Variants in COL11A1 observed in about 807,000 individuals in gnomAD.
The protein encoded by COL11A1 is collagen alpha-1(XI) chain.
COL11A1 carries 74 observed loss-of-function variants against 265.2 expected under a neutral mutation model. The observed-to-expected ratio is 0.28, with a 90% CI of 0.23 to 0.34. The LOEUF (loss-of-function observed/expected upper bound fraction) is 0.34. COL11A1 is among the 10% of genes least tolerant of loss of function. The pLI, the probability that COL11A1 is intolerant of heterozygous loss-of-function variation, is 1.00. For missense variants in COL11A1, 2,165 were observed against 2,263.6 expected (o/e 0.96, Z 0.88); for synonymous variants, 816 against 727.6 (o/e 1.12, Z -1.96).
chr1:102,918,745 A>C (rs1655644000), intron 49 of COL11A1, among the ~76,000 whole-genome samples: 1 of 152,074 alleles, frequency 6.6e-6, no homozygotes. Context: ...GATTGACTGA[A>C]TTATTCTCAT....
chr1:102,947,034 T>G (rs1659368319), intron 41 of COL11A1, 78 bp from the exon 42 acceptor site: 2 of 1,134,208 alleles, frequency 1.8e-6, no homozygotes, highest in Middle Eastern at 2.0e-4. Context: ...AACAATAGCT[T>G]CTTACAGTCT....
At chr1:102,963,546 CAAAG>C (rs1442544173) in intron 38 of COL11A1, among the ~76,000 whole-genome samples, 1 of 152,034 alleles carries the variant, frequency 6.6e-6, no homozygotes, top group Non-Finnish European at 1.5e-5. Flanking sequence ...TTAAGTTAAA[CAAAG>C]AGAAAATTTT....
intron 41 of COL11A1, among the ~76,000 whole-genome samples, chr1:102,953,875 T>C (rs961469202): frequency 3.9e-5 from 6 of 152,194 alleles, no homozygotes; most frequent in African/African-American, 9.7e-5. Flanking sequence ...ATTTTACACA[T>C]TGAAAGTGCT....
rs74316938 is a variant in COL11A1 at position 102,897,840 on chromosome 1, G to T, written c.4302+285C>A. On this transcript the variant is annotated intron_variant, in intron 57 of 66. Transcript: ENST00000370096. ...TGCAAACGTTTTAGGGAACTATCCA[G>T]ACTAGGAAAAACACTGGCTGGATCA... Among the ~76,000 whole-genome samples, 1,333 of 152,228 alleles carry T rather than the reference G, an allele frequency of 8.8e-3. 18 individuals carry two copies. Among genetic ancestry groups the T allele is most frequent in the African/African-American group, 0.031 (1,272 of 41,540 alleles).
chr1:102,882,015 G>A (rs1308352190), intron 64 of COL11A1, among the ~76,000 whole-genome samples: 1 of 152,092 alleles, frequency 6.6e-6, no homozygotes, highest in East Asian at 1.9e-4. Context: ...TAAAGGAAAA[G>A]GGGAAAGACA....
In COL11A1 at chr1:102,906,288, T is replaced by C. The variant is rs978540980; in HGVS notation, c.4086+5871A>G. On this transcript the variant is annotated intron_variant, in intron 54 of 66. Coordinates refer to ENST00000370096, the MANE Select transcript of COL11A1 (RefSeq NM_001854.4). The stretch of plus-strand genomic sequence containing the variant: ...AGTAGCAAGGATTTGAAACAAGTTC[T>C]GTCTGATTCTGATGCAACAGCATTC... 1.3e-5 allele frequency among the ~76,000 whole-genome samples: 2 copies of C among 152,340 alleles called. 1 individual carries two copies. The highest frequency in any genetic ancestry group is 4.1e-4 in the South Asian group (2 of 4,830).
At chr1:102,947,957 TA>T (rs1659488564) in intron 41 of COL11A1, among the ~76,000 whole-genome samples, 1 of 151,842 alleles carries the variant, frequency 6.6e-6, no homozygotes, top group Non-Finnish European at 1.5e-5. Flanking sequence ...TAATTGTTAG[TA>T]TTTTTTCTTA....
intron 32 of COL11A1, 134 bp from the exon 33 acceptor site, chr1:102,979,238 A>G (rs1662802893): frequency 1.6e-6 from 2 of 1,240,720 alleles, no homozygotes; most frequent in Admixed American, 1.9e-5. Context: ...CAGACTTGCT[A>G]TGCTGCCCAG....
chr1:102,965,460 C>T lies in COL11A1; in HGVS notation c.2916+27G>A, dbSNP rs147069719. On this transcript the variant is annotated intron_variant, in intron 38 of 66. Coordinates refer to ENST00000370096, the MANE Select transcript of COL11A1 (RefSeq NM_001854.4). Reference sequence around the variant, plus strand: ...AAATGTAAACAAAAAATAAATCTTGCTTGGGAAATAAAGCAAAGGAACATA... The same window carrying T: ...AAATGTAAACAAAAAATAAATCTTGTTTGGGAAATAAAGCAAAGGAACATA... 7.9e-4 allele frequency: 1,262 copies of T among 1,605,184 alleles called. 9 individuals carry two copies. In the African/African-American group the frequency reaches 0.015, roughly 19 times the overall value.
chr1:102,998,160 G>C, intron 25 of COL11A1, 150 bp downstream of exon 25: 1 of 687,164 alleles, frequency 1.5e-6, no homozygotes, highest in Non-Finnish European at 2.5e-6. Context: ...GAAGTGATAT[G>C]ATGAAAGGTA....
chr1:102,907,444 T>C (rs2100988012), intron 54 of COL11A1, among the ~76,000 whole-genome samples: 1 of 152,212 alleles, frequency 6.6e-6, no homozygotes, highest in South Asian at 2.1e-4. Flanking sequence ...CACTACATAA[T>C]ACAGTATCAT....
intron 30 of COL11A1, among the ~76,000 whole-genome samples, chr1:102,985,099 C>T (rs574035924): frequency 6.6e-6 from 1 of 151,534 alleles, no homozygotes; most frequent in African/African-American, 2.4e-5. Context: ...ATCCATTTAC[C>T]TAATAAGATA....
intron 44 of COL11A1, among the ~76,000 whole-genome samples, chr1:102,937,852 C>G (rs977534973): frequency 3.3e-5 from 5 of 152,092 alleles, no homozygotes; most frequent in African/African-American, 4.8e-5. Context: ...ACAAAACAGA[C>G]TAAGGCAGAT....
intron 1 of COL11A1, among the ~76,000 whole-genome samples, chr1:103,105,118 A>T (rs1674592454): frequency 6.6e-6 from 1 of 151,982 alleles, no homozygotes; most frequent in Non-Finnish European, 1.5e-5. Context: ...GCTAAGTCTA[A>T]CTCTTACTTA....
intron 62 of COL11A1, among the ~76,000 whole-genome samples, chr1:102,887,897 C>A (rs1651207446): frequency 6.6e-6 from 1 of 152,124 alleles, no homozygotes; most frequent in Non-Finnish European, 1.5e-5. Flanking sequence ...AAGTGCAGAA[C>A]AGACCCTTCC....
chr1:102,887,089 C>G (rs1651090407), intron 62 of COL11A1, 33 bp from the exon 63 acceptor site: 1 of 1,612,462 alleles, frequency 6.2e-7, no homozygotes, highest in African/African-American at 1.3e-5. Flanking sequence ...GCAATTGTTT[C>G]ATAAAGTGGA....
intron 54 of COL11A1, among the ~76,000 whole-genome samples, chr1:102,901,780 T>C (rs1240304016): frequency 6.6e-6 from 1 of 152,232 alleles, no homozygotes; most frequent in Non-Finnish European, 1.5e-5. Context: ...TAATATAATC[T>C]TCTTTTCACT....
intron 4 of COL11A1, among the ~76,000 whole-genome samples, chr1:103,057,510 T>A (rs2102176018): frequency 6.6e-6 from 1 of 152,340 alleles, no homozygotes; most frequent in African/African-American, 2.4e-5. Context: ...AGAAAGTTTC[T>A]AATTTACTGT....
intron 1 of COL11A1, among the ~76,000 whole-genome samples, chr1:103,087,925 T>C (rs1368999284): frequency 1.3e-5 from 2 of 152,230 alleles, no homozygotes; most frequent in Non-Finnish European, 2.9e-5. Flanking sequence ...TGAAAATATA[T>C]GGAAGGAACT....
Sources: allele counts gnomAD v4.1 joint callset (sites outside exome capture counted in the v4.1 genomes callset), GRCh38; gene constraint gnomAD v4.1.1; transcripts MANE v1.5; gene names NCBI Gene and HGNC (gene_info 2026-07-23, HGNC 2026-07-21).